Variants in MTHFS observed in about 807,000 individuals in gnomAD.
MTHFS encodes methenyltetrahydrofolate synthetase.
Under a neutral mutation model 12.7 loss-of-function variants are expected in MTHFS, and 7 were observed. That is an observed-to-expected ratio of 0.55 (90% CI 0.31 to 1.03). MTHFS has a LOEUF of 1.03. MTHFS is among the 50% of genes least tolerant of loss of function. MTHFS has a pLI of 0.05. For synonymous variants in MTHFS, 100 were observed against 97.1 expected (o/e 1.03, Z -0.18); for missense variants, 252 against 258.1 (o/e 0.98, Z 0.16).
chr15:79,862,562 T>C (rs2033936531), intron 2 of MTHFS, among the ~76,000 whole-genome samples: 1 of 152,162 alleles, frequency 6.6e-6, no homozygotes, highest in Admixed American at 6.5e-5. Context: ...TTACCATTCC[T>C]CATTCCAGCA....
intron 2 of MTHFS, among the ~76,000 whole-genome samples, chr15:79,880,636 CTATT>C (rs1286807176): frequency 2.0e-5 from 3 of 151,920 alleles, no homozygotes; most frequent in East Asian, 1.9e-4. Context: ...TGTTTGAAGA[CTATT>C]TATATGTTTC....
rs528272857 is a variant in MTHFS, at chr15:79,847,782, A to G, written c.380-2340T>C. Among the ~76,000 whole-genome samples, 28 of 152,338 alleles carry G rather than the reference A, an allele frequency of 1.8e-4. 1 individual carries two copies. The highest frequency in any genetic ancestry group is 6.5e-4 in the African/African-American group (27 of 41,568). On this transcript the variant is annotated intron_variant, in intron 2 of 2. Coordinates refer to ENST00000258874, the MANE Select transcript of MTHFS (RefSeq NM_006441.4). Reference sequence around the variant, plus strand: ...ACATCACTGATCATCAGGGAAATACAAATCAAAACTTCAATGAAATACCAC... The same window carrying G: ...ACATCACTGATCATCAGGGAAATACGAATCAAAACTTCAATGAAATACCAC...
chr15:79,853,162 A>C (rs1453736743), intron 2 of MTHFS, among the ~76,000 whole-genome samples: 1 of 152,218 alleles, frequency 6.6e-6, no homozygotes, highest in East Asian at 1.9e-4. Context: ...CTACCTCTGA[A>C]ACAAAGTATT....
At position 79,845,564 on chromosome 15, in the gene MTHFS, A is replaced by G. The variant is rs1040460327; in HGVS notation, c.380-122T>C. On this transcript the variant is annotated intron_variant, in intron 2 of 2. Coordinates refer to ENST00000258874, the MANE Select transcript of MTHFS (RefSeq NM_006441.4). ...TGATTTCTAAAAACAATGTGTGACC[A>G]TTAATATCCAAAAAGCACAGAGTTG... 3 of 1,323,576 alleles carry G rather than the reference A, an allele frequency of 2.3e-6. No homozygotes were observed. In the African/African-American group the frequency reaches 4.4e-5, roughly 20 times the overall value. 82.0% of individuals were successfully genotyped at this position (1,323,576 alleles called of 1,614,324 possible).
At chr15:79,857,812 C>T (rs1172929185) in intron 2 of MTHFS, among the ~76,000 whole-genome samples, 1 of 151,894 alleles carries the variant, frequency 6.6e-6, no homozygotes, top group Non-Finnish European at 1.5e-5. Context: ...GTCAGGAGTT[C>T]GAGACCAGTC....
At chr15:79,872,665 C>T (rs191563513) in intron 2 of MTHFS, among the ~76,000 whole-genome samples, 1 of 152,172 alleles carries the variant, frequency 6.6e-6, no homozygotes, top group Non-Finnish European at 1.5e-5. Flanking sequence ...ACAAAAGGAT[C>T]GTAATTTCCA....
At chr15:79,875,352 C>T (rs749065582) in intron 2 of MTHFS, among the ~76,000 whole-genome samples, 3 of 151,910 alleles carry the variant, frequency 2.0e-5, no homozygotes, top group Non-Finnish European at 4.4e-5. Context: ...AACCTGGAGG[C>T]CAGAAGGCAG....
chr15:79,857,951 G>A (rs1255654749), intron 2 of MTHFS, among the ~76,000 whole-genome samples: 1 of 149,580 alleles, frequency 6.7e-6, no homozygotes, highest in African/African-American at 2.5e-5. Context: ...AGGAGGCAGA[G>A]GTTGCAGTGG....
Position 79,845,346 on chromosome 15 carries a change from C to A in MTHFS, c.476G>T (p.Arg159Leu). 4 of 1,614,144 alleles carry A rather than the reference C, an allele frequency of 2.5e-6. No homozygotes were observed. Among genetic ancestry groups the A allele is most frequent in the Non-Finnish European group, 3.4e-6 (4 of 1,180,034 alleles). Residue 159 changes from arginine (R) to leucine (L), a missense_variant, in exon 3 of 3, where the codon CGC (arginine) becomes CTC (leucine). Coordinates refer to ENST00000258874, the MANE Select transcript of MTHFS (RefSeq NM_006441.4). ...CTTCACTTCCTGATGCTGCAAACAG[C>A]GCTTCAGATAGGCATCATAGTAGCC... is the stretch of plus-strand genomic sequence containing the variant. ...GKGYYDAYLK[R>L]CLQHQEVKPY...
rs58698908 is a variant in MTHFS, at chr15:79,864,547, CAAAAAAAAAAAAAAAAAAA to C, written c.380-19124_380-19106del. On this transcript the variant is annotated intron_variant, in intron 2 of 2. Transcript: ENST00000258874. ...GCAACAAAGTGAGACTCCATCTCAA[CAAAAAAAAAAAAAAAAAAA>C]AAAAAAAAAAAAAAGTCCTTGAGAG... Among the ~76,000 whole-genome samples, 30 of 64,540 alleles carry C rather than the reference CAAAAAAAAAAAAAAAAAAA, an allele frequency of 4.6e-4. No homozygotes were observed. The South Asian group carries it at 0.01, about 22-fold the overall frequency. The allele number at this position is 64,540 out of a possible 152,430, so 42.3% of individuals were successfully genotyped here.
intron 2 of MTHFS, among the ~76,000 whole-genome samples, chr15:79,888,489 GAAAGAACAGTTA>G (rs71150997): frequency 0.31 from 47,378 of 152,016 alleles, 7,938 homozygotes; most frequent in South Asian, 0.49. Flanking sequence ...GACATGGAGA[GAAAGAACAGTTA>G]AAAGGCCTTT....
intron 1 of MTHFS, 61 bp from the exon 2 acceptor site, chr15:79,889,415 A>G: frequency 1.9e-6 from 3 of 1,539,354 alleles, no homozygotes; most frequent in Non-Finnish European, 1.7e-6. Flanking sequence ...TCCTCTTAAC[A>G]ATTCCTCCTT....
At chr15:79,861,506 C>G (rs540345702) in intron 2 of MTHFS, among the ~76,000 whole-genome samples, 1 of 152,230 alleles carries the variant, frequency 6.6e-6, no homozygotes, top group South Asian at 2.1e-4. Flanking sequence ...GTGATGAGTA[C>G]GTAAAGTGGC....
chr15:79,869,448 G>C (rs943380931), intron 2 of MTHFS, among the ~76,000 whole-genome samples: 1 of 152,090 alleles, frequency 6.6e-6, no homozygotes, highest in Non-Finnish European at 1.5e-5. Flanking sequence ...AGAGGTTTTT[G>C]TTTTATTTTT....
At chr15:79,861,229 A>G (rs2033908063) in intron 2 of MTHFS, among the ~76,000 whole-genome samples, 1 of 152,194 alleles carries the variant, frequency 6.6e-6, no homozygotes, top group South Asian at 2.1e-4. Flanking sequence ...CTCAGCTAGT[A>G]TGCAGCAGTC....
chr15:79,859,359 T>A lies in MTHFS; in HGVS notation c.380-13917A>T, dbSNP rs148072654. Among the ~76,000 whole-genome samples, 580 of 152,352 alleles carry A rather than the reference T, an allele frequency of 3.8e-3. 5 individuals carry two copies. The highest frequency in any genetic ancestry group is 0.014 in the African/African-American group (564 of 41,584). On this transcript the variant is annotated intron_variant, in intron 2 of 2. Coordinates refer to ENST00000258874, the MANE Select transcript of MTHFS (RefSeq NM_006441.4). ...TATACATCTATATTCATCAAAATAC[T>A]ATGGCACTAGTGCCAAAATAGGCAG...
chr15:79,852,550 A>C (rs1376458770), intron 2 of MTHFS, among the ~76,000 whole-genome samples: 1 of 152,214 alleles, frequency 6.6e-6, no homozygotes, highest in East Asian at 1.9e-4. Flanking sequence ...TTCACACTGA[A>C]TCAAACACAC....
intron 2 of MTHFS, among the ~76,000 whole-genome samples, chr15:79,879,654 T>C (rs1033376105): frequency 3.3e-5 from 5 of 152,184 alleles, no homozygotes; most frequent in Non-Finnish European, 5.9e-5. Flanking sequence ...TGAAGAAAAT[T>C]TACCCAATAA....
At chr15:79,874,171 CTCCTTAATAAAACCAGCAAGAACATTGGG>C (rs2034151295) in intron 2 of MTHFS, among the ~76,000 whole-genome samples, 1 of 152,142 alleles carries the variant, frequency 6.6e-6, no homozygotes, top group Non-Finnish European at 1.5e-5. Flanking sequence ...TAAAAATCTG[CTCCTTAATAAAACCAGCAAGAACATTGGG>C]AAAAATGGTC....
Sources: allele counts gnomAD v4.1 joint callset (sites outside exome capture counted in the v4.1 genomes callset), GRCh38; gene constraint gnomAD v4.1.1; transcripts MANE v1.5; gene names NCBI Gene and HGNC (gene_info 2026-07-23, HGNC 2026-07-21).